Variants in CCDC57 observed in about 807,000 individuals in gnomAD.
CCDC57 encodes the protein coiled-coil domain containing 57.
CCDC57 carries 118 observed loss-of-function variants against 118.9 expected under a neutral mutation model. That is an observed-to-expected ratio of 0.99 (90% CI 0.86 to 1.16). CCDC57 has a LOEUF of 1.16. Ranked by LOEUF, CCDC57 falls within the 50% of genes most tolerant of loss-of-function variation. CCDC57 has a pLI of 0.00. For synonymous variants in CCDC57, 527 were observed against 532.9 expected (o/e 0.99, Z 0.15); for missense variants, 1,300 against 1,320.7 (o/e 0.98, Z 0.24).
chr17:82,146,342 A>G (rs989393201), intron 16 of CCDC57, among the ~76,000 whole-genome samples: 5 of 152,172 alleles, frequency 3.3e-5, no homozygotes, highest in Admixed American at 3.3e-4. Context: ...TCTTGCCTAA[A>G]CCTTTGCAAT....
At chr17:82,127,053 A>G in intron 19 of CCDC57, 2 of 985,354 alleles carry the variant, frequency 2.0e-6, no homozygotes, top group Non-Finnish European at 2.4e-6. Flanking sequence ...CACAAGGTGC[A>G]CCCTTCAAAC....
intron 4 of CCDC57, among the ~76,000 whole-genome samples, chr17:82,196,683 C>T (rs560893386): frequency 2.0e-5 from 3 of 151,752 alleles, no homozygotes; most frequent in African/African-American, 7.2e-5. Flanking sequence ...ATAGACACAG[C>T]TTCTAGTAAC....
chr17:82,188,310 G>C, exon 8 of CCDC57: 1 of 1,602,546 alleles, frequency 6.2e-7, no homozygotes, highest in South Asian at 1.1e-5. Flanking sequence ...CAGTGGGCCT[G>C]CAGCTCCAGA....
At chr17:82,207,063 G>T (rs534048961) in intron 2 of CCDC57, among the ~76,000 whole-genome samples, 1 of 152,176 alleles carries the variant, frequency 6.6e-6, no homozygotes, top group African/African-American at 2.4e-5. Flanking sequence ...ATGGTTTAGG[G>T]CCAGGTGCAG....
chr17:82,101,625 C>T lies in CCDC57; in HGVS notation c.*57G>A, dbSNP rs1598591239. 2.9e-6 allele frequency: 4 copies of T among 1,400,186 alleles called. No homozygotes were observed. The East Asian group carries it at 7.0e-5, about 24-fold the overall frequency. 86.7% of individuals were successfully genotyped at this position (1,400,186 alleles called of 1,614,324 possible). On this transcript the variant is annotated 3_prime_UTR_variant, in exon 20 of 20. Transcript: ENST00000665763. Reference sequence around the variant, plus strand: ...CCCCCACAACACGTAGGTGAAAGCACAGGCACCATGCGGAGGCCCCGAGCA... The same window carrying T: ...CCCCCACAACACGTAGGTGAAAGCATAGGCACCATGCGGAGGCCCCGAGCA...
intron 8 of CCDC57, among the ~76,000 whole-genome samples, chr17:82,187,896 T>C (rs1026211810): frequency 1.3e-5 from 2 of 151,538 alleles, no homozygotes; most frequent in Admixed American, 1.3e-4. Flanking sequence ...GTGGTGATGG[T>C]TTTACAACAA....
At chr17:82,169,327 C>T (rs1007923768) in intron 13 of CCDC57, among the ~76,000 whole-genome samples, 1 of 152,098 alleles carries the variant, frequency 6.6e-6, no homozygotes, top group Admixed American at 6.5e-5. Context: ...CGGGGTTTCA[C>T]CATGTTGGCC....
At chr17:82,126,965 T>TGCCTCTG in intron 19 of CCDC57, 1 of 985,162 alleles carries the variant, frequency 1.0e-6, no homozygotes, top group Non-Finnish European at 1.2e-6. Flanking sequence ...ACATCACACG[T>TGCCTCTG]CCCGCAACTC....
chr17:82,126,804 A>G, intron 19 of CCDC57: 1 of 985,476 alleles, frequency 1.0e-6, no homozygotes, highest in Non-Finnish European at 1.2e-6. Context: ...CTGTGACGGT[A>G]AAGGACTGGA....
intron 3 of CCDC57, 93 bp from the exon 3 acceptor site, chr17:82,198,515 G>A (rs1444744623): frequency 5.6e-6 from 5 of 884,988 alleles, no homozygotes; most frequent in Non-Finnish European, 8.8e-6. Context: ...GAAAGTTGGT[G>A]CTTTGCTTTT....
intron 7 of CCDC57, among the ~76,000 whole-genome samples, chr17:82,189,575 C>T (rs182102249): frequency 1.8e-4 from 27 of 152,094 alleles, no homozygotes; most frequent in African/African-American, 5.8e-4. Flanking sequence ...CCTGGCTGGG[C>T]GCAGTGGCTC....
At position 82,142,931 on chromosome 17, in the gene CCDC57, G is replaced by A. The variant is rs180686660; in HGVS notation, c.2455+8629C>T. On this transcript the variant is annotated intron_variant, in intron 16 of 19. Transcript: ENST00000665763. Reference sequence around the variant, plus strand: ...TGTAATCCCAGCACTTTGGGAGGCCGAGGTGGGTGGATCACCTGAGGTCAG... The same window carrying A: ...TGTAATCCCAGCACTTTGGGAGGCCAAGGTGGGTGGATCACCTGAGGTCAG... Among the ~76,000 whole-genome samples the A allele has an allele frequency of 4.3e-3, 649 of 152,180 alleles. 3 individuals carry two copies. Among genetic ancestry groups the A allele is most frequent in the African/African-American group, 0.015 (612 of 41,540 alleles).
At chr17:82,197,372 G>A (rs775809783) in intron 4 of CCDC57, among the ~76,000 whole-genome samples, 8 of 152,252 alleles carry the variant, frequency 5.3e-5, no homozygotes, top group Non-Finnish European at 8.8e-5. Flanking sequence ...GTGGTCTCTA[G>A]ATATAAATCT....
At chr17:82,145,454 AT>A (rs1458439323) in intron 16 of CCDC57, among the ~76,000 whole-genome samples, 1 of 151,944 alleles carries the variant, frequency 6.6e-6, no homozygotes, top group African/African-American at 2.4e-5. Flanking sequence ...GGCTGAGGCA[AT>A]AGAATCGCTG....
intron 7 of CCDC57, 59 bp from the exon 7 acceptor site, chr17:82,188,478 C>T (rs1486052421): frequency 2.0e-6 from 3 of 1,536,728 alleles, no homozygotes; most frequent in Admixed American, 1.9e-5. Context: ...AGGCCCCAGA[C>T]CCTCTTTGGA....
chr17:82,172,978 G>C lies in CCDC57; in HGVS notation c.1507-118C>G, dbSNP rs1435517557. On this transcript the variant is annotated intron_variant, in intron 11 of 19. Transcript: ENST00000665763. This position sits in a 1 kb window ranked among gnomAD's most constrained non-coding sequence, Gnocchi z 5.2. ...CGGGCCGGTCCCCCGCTTCAGCTTG[G>C]GCTGTGGTCCCTCCCCATCCCCAGG... is the stretch of plus-strand genomic sequence containing the variant. The C allele has an allele frequency of 2.3e-6, 2 of 859,988 alleles. No homozygotes were observed. The highest frequency in any genetic ancestry group is 3.3e-5 in the African/African-American group (2 of 59,920). 53.3% of individuals were successfully genotyped at this position (859,988 alleles called of 1,614,324 possible). A position where few individuals can be genotyped will look rare whatever the true frequency, so the allele number is the denominator to read the frequency against.
chr17:82,212,397 CTTTTT>C lies in CCDC57; in HGVS notation c.-211+383_-211+387del, dbSNP rs55941734. Among the ~76,000 whole-genome samples the C allele has an allele frequency of 2.2e-5, 3 of 135,138 alleles. No homozygotes were observed. Among genetic ancestry groups the C allele is most frequent in the Non-Finnish European group, 3.1e-5 (2 of 65,084 alleles). The allele number at this position is 135,138 out of a possible 152,430, so 88.7% of individuals were successfully genotyped here. ...CGCCTCCGGCCTTTTTTTTTCCTCTCTTTTTTTTTTTTTTTTTTTAAACTCACAGA... is the reference window on the plus strand; with the variant it reads ...CGCCTCCGGCCTTTTTTTTTCCTCTCTTTTTTTTTTTTTTAAACTCACAGA... On this transcript the variant is annotated intron_variant, in intron 1 of 19. Coordinates refer to ENST00000665763, the Ensembl canonical transcript of CCDC57. The surrounding 1 kb of genome is among the most constrained non-coding windows in gnomAD (Gnocchi z 4.1).
At chr17:82,126,935 C>T (rs959961777) in intron 19 of CCDC57, 61 of 985,264 alleles carry the variant, frequency 6.2e-5, no homozygotes, top group Non-Finnish European at 7.1e-5. Flanking sequence ...ACAGGAAGGA[C>T]GCACGCTCCC....
chr17:82,184,025 G>GCACACACACACACACACACACA (rs1432239867), intron 8 of CCDC57, 93 bp from the exon 8 acceptor site: 1 of 386,086 alleles, frequency 2.6e-6, no homozygotes, highest in Non-Finnish European at 4.7e-6. Context: ...ATGCGCGCGC[G>GCACACACACACACACACACACA]CGCGCGCACA....
Sources: allele counts gnomAD v4.1 joint callset (sites outside exome capture counted in the v4.1 genomes callset), GRCh38; gene constraint gnomAD v4.1.1; non-coding constraint Gnocchi (gnomAD v3.1); transcripts MANE v1.5; gene names NCBI Gene and HGNC (gene_info 2026-07-23, HGNC 2026-07-21).